Variants in RNFT2 observed in about 807,000 individuals in gnomAD.
RNFT2 encodes the protein E3 ubiquitin-protein ligase RNFT2.
A neutral mutation model predicts 53.0 loss-of-function variants in RNFT2; 36 were observed. The observed-to-expected ratio is 0.68, with a 90% CI of 0.52 to 0.90. The LOEUF is 0.90. RNFT2 is among the 40% of genes least tolerant of loss of function. RNFT2 has a pLI of 0.00. For synonymous variants in RNFT2, 260 were observed against 253.2 expected (o/e 1.03, Z -0.26); for missense variants, 514 against 585.6 (o/e 0.88, Z 1.26).
At chr12:116,836,606 C>G (rs148652455) in intron 10 of RNFT2, among the ~76,000 whole-genome samples, 2 of 152,100 alleles carry the variant, frequency 1.3e-5, no homozygotes, top group Admixed American at 6.6e-5. Context: ...TCTCTCTGAG[C>G]CTTGGTTTTT....
chr12:116,782,684 A>G (rs1331589764), intron 7 of RNFT2, among the ~76,000 whole-genome samples: 1 of 152,138 alleles, frequency 6.6e-6, no homozygotes, highest in African/African-American at 2.4e-5. Context: ...CTTCACACTC[A>G]GTAACCCACT....
At chr12:116,776,170 T>C (rs1399221536) in intron 6 of RNFT2, among the ~76,000 whole-genome samples, 1 of 152,072 alleles carries the variant, frequency 6.6e-6, no homozygotes, top group Admixed American at 6.6e-5. Flanking sequence ...GATGAATCCA[T>C]AGAAAAACAC....
intron 7 of RNFT2, among the ~76,000 whole-genome samples, chr12:116,798,550 A>G (rs1046962171): frequency 2.6e-5 from 4 of 152,018 alleles, no homozygotes; most frequent in African/African-American, 9.7e-5. Context: ...AATAGTACCT[A>G]TCTGCATTAG....
rs1555210406 is a variant in RNFT2, at chr12:116,841,794, A to AAAT, written c.1200+5513_1200+5514insATA. 8.5e-5 allele frequency among the ~76,000 whole-genome samples: 8 copies of AAAT among 94,662 alleles called. 1 individual carries two copies. The highest frequency in any genetic ancestry group is 3.5e-4 in the African/African-American group (7 of 19,756). The allele number at this position is 94,662 out of a possible 152,430, so 62.1% of individuals were successfully genotyped here. A position where few individuals can be genotyped will look rare whatever the true frequency, so the allele number is the denominator to read the frequency against. Reference sequence around the variant, plus strand: ...ATATATATATAAATATATATATATAAATATATATATAAATATATATATAAA... The same window carrying AAAT: ...ATATATATATAAATATATATATATAAAATATATATATATAAATATATATATAAA... On this transcript the variant is annotated intron_variant, in intron 10 of 10. Coordinates refer to ENST00000257575, the MANE Select transcript of RNFT2 (RefSeq NM_001382266.1).
chr12:116,748,131 A>G (rs1489178414), intron 3 of RNFT2, among the ~76,000 whole-genome samples: 2 of 152,062 alleles, frequency 1.3e-5, no homozygotes, highest in African/African-American at 2.4e-5. Context: ...CGGAGGTTGC[A>G]GTGAGCTGAG....
At chr12:116,763,296 G>A (rs1007652217) in intron 5 of RNFT2, among the ~76,000 whole-genome samples, 11 of 152,060 alleles carry the variant, frequency 7.2e-5, no homozygotes, top group Non-Finnish European at 1.3e-4. Flanking sequence ...TACCGATCAG[G>A]GAAATGCAAA....
At chr12:116,789,994 A>ATG (rs1874160653) in intron 7 of RNFT2, among the ~76,000 whole-genome samples, 2 of 64,734 alleles carry the variant, frequency 3.1e-5, no homozygotes, top group Non-Finnish European at 6.8e-5. Context: ...ATGGATGGAT[A>ATG]GTCTAATCAG....
intron 7 of RNFT2, among the ~76,000 whole-genome samples, chr12:116,794,273 G>C (rs1188424878): frequency 1.3e-5 from 2 of 151,714 alleles, no homozygotes; most frequent in South Asian, 2.1e-4. Context: ...TCAAAAAAAA[G>C]CCTGATATTA....
At chr12:116,800,925 G>A (rs1481289817) in intron 7 of RNFT2, 1 of 152,186 alleles carries the variant, frequency 6.6e-6, no homozygotes, top group Non-Finnish European at 1.5e-5. Flanking sequence ...GTCACTGCTG[G>A]AAGGTGACAA....
chr12:116,849,359 C>A lies in RNFT2; in HGVS notation c.1246C>A (p.Arg416Ser). ...ECLCLWLDRERTCPLCRSVAV... is the reference protein window; with the variant it reads ...ECLCLWLDRESTCPLCRSVAV... ...CCTCTGCCTGTGGCTGGACCGTGAG[C>A]GCACCTGCCCGCTCTGCCGCTCGGT... The change falls in exon 11 of 11, where the codon CGC becomes AGC. Residue 416 changes from arginine (R) to serine (S), a missense_variant. Arg to Ser is a moderately radical substitution (Grantham distance 110). This residue lies in a region of RNFT2 where 273 missense variants were observed against 334.4 expected (regional missense o/e 0.82). Transcript: ENST00000257575. 6.5e-7 allele frequency: 1 copy of A among 1,546,840 alleles called. No individual in the cohort carries two copies.
chr12:116,842,390 T>C (rs1275479360), intron 10 of RNFT2, among the ~76,000 whole-genome samples: 2 of 152,038 alleles, frequency 1.3e-5, no homozygotes, highest in Non-Finnish European at 1.5e-5. Context: ...GCCTCTCACA[T>C]GCCCGAGGTT....
intron 7 of RNFT2, among the ~76,000 whole-genome samples, chr12:116,832,843 A>G (rs575509133): frequency 1.3e-5 from 2 of 151,646 alleles, no homozygotes; most frequent in East Asian, 3.9e-4. Flanking sequence ...AGGGTCATGA[A>G]CATCCAGCAA....
chr12:116,803,936 G>A (rs1186544304), intron 7 of RNFT2, among the ~76,000 whole-genome samples: 1 of 152,194 alleles, frequency 6.6e-6, no homozygotes, highest in Non-Finnish European at 1.5e-5. Flanking sequence ...CCAGTCAGAA[G>A]GCCTCACCTA....
intron 7 of RNFT2, among the ~76,000 whole-genome samples, chr12:116,794,660 A>AAGGAAGGGAGGG (rs1555262135): frequency 7.7e-5 from 1 of 12,962 alleles, no homozygotes; most frequent in African/African-American, 1.3e-4. Context: ...GGAAGGAAGG[A>AAGGAAGGGAGGG]AGGGAGGAAG....
intron 10 of RNFT2, among the ~76,000 whole-genome samples, chr12:116,845,222 T>G (rs143841382): frequency 0.015 from 1,930 of 130,490 alleles, 24 homozygotes; most frequent in South Asian, 0.029. Flanking sequence ...CAAGCCTGGA[T>G]GACAGAGCAA....
chr12:116,743,221 A>AAAAAAAAAAAAAAAAAAAAAC (rs1871710204), intron 3 of RNFT2, among the ~76,000 whole-genome samples: 1 of 101,902 alleles, frequency 9.8e-6, no homozygotes, highest in African/African-American at 3.7e-5. Flanking sequence ...TCTAAAAAAA[A>AAAAAAAAAAAAAAAAAAAAAC]AAAAAAAAAA....
intron 1 of RNFT2, chr12:116,738,626 G>C (rs1871437465): frequency 6.6e-6 from 1 of 152,170 alleles, no homozygotes; most frequent in Admixed American, 6.5e-5. Context: ...GAAAAGTCTC[G>C]GTGCGGTCCT....
chr12:116,743,236 A>AAAAAAAAC (rs1871718328), intron 3 of RNFT2, among the ~76,000 whole-genome samples: 1 of 113,668 alleles, frequency 8.8e-6, no homozygotes, highest in African/African-American at 3.1e-5. Context: ...AAAAAAAAAA[A>AAAAAAAAC]AAAAAAAACC....
At chr12:116,843,629 C>G (rs541616464) in intron 10 of RNFT2, among the ~76,000 whole-genome samples, 9 of 152,244 alleles carry the variant, frequency 5.9e-5, no homozygotes, top group Middle Eastern at 3.4e-3. Flanking sequence ...TCTTCCTCCC[C>G]CTTCCTCTGT....
Sources: gnomAD v4.1 joint callset for allele counts (sites outside exome capture counted in the v4.1 genomes callset) on GRCh38, gnomAD v4.1.1 for gene constraint, gnomAD v4.1.1 regional missense constraint, MANE v1.5 for transcripts, NCBI Gene and HGNC (gene_info 2026-07-23, HGNC 2026-07-21) for gene names.